The following HDAC4 variants were observed in gnomAD, a reference collection of about 807,000 sequenced individuals.
The protein encoded by HDAC4 is histone deacetylase 4, also known as histone deacetylase A.
Under a neutral mutation model 135.1 loss-of-function variants are expected in HDAC4, and 16 were observed. The ratio of observed to expected loss-of-function variants is 0.12; its 90% CI spans 0.08 to 0.18. The LOEUF is 0.18. Ranked by LOEUF, HDAC4 falls within the 10% of genes least tolerant of loss-of-function variation. HDAC4 has a pLI of 1.00. For synonymous variants in HDAC4, 685 were observed against 653.4 expected (o/e 1.05, Z -0.74); for missense variants, 1,143 against 1,511.8 (o/e 0.76, Z 4.05).
chr2:239,277,215 C>G (rs1489273305), intron 2 of HDAC4, among the ~76,000 whole-genome samples: 1 of 152,246 alleles, frequency 6.6e-6, no homozygotes, highest in Non-Finnish European at 1.5e-5. Context: ...TGGAGGACAA[C>G]CATGCTCCCA....
rs1023518571 is a variant in HDAC4, at chr2:239,400,252, C to G, written c.-220+726G>C. 2 of 151,192 alleles carry G rather than the reference C, an allele frequency of 1.3e-5. No individual in the cohort carries two copies. Among genetic ancestry groups the G allele is most frequent in the Admixed American group, 1.3e-4 (2 of 15,198 alleles). 9.4% of individuals were successfully genotyped at this position (151,192 alleles called of 1,614,324 possible). A position where few individuals can be genotyped will look rare whatever the true frequency, so the allele number is the denominator to read the frequency against. ...GCAGCGGCGACGACAAGCGCGGGGCCGCGGACCCCCGGCAGGGACGTTTTT... is the reference window on the plus strand; with the variant it reads ...GCAGCGGCGACGACAAGCGCGGGGCGGCGGACCCCCGGCAGGGACGTTTTT... On this transcript the variant is annotated intron_variant, in intron 1 of 26. Transcript: ENST00000543185. This position sits in a 1 kb window ranked among gnomAD's most constrained non-coding sequence, Gnocchi z 4.7.
intron 1 of HDAC4, among the ~76,000 whole-genome samples, chr2:239,353,388 G>C (rs918353367): frequency 6.6e-6 from 1 of 152,208 alleles, no homozygotes; most frequent in African/African-American, 2.4e-5. Flanking sequence ...ACAAATACGA[G>C]CAGTGGGATT....
At chr2:239,137,517 C>T (rs2041053607) in intron 9 of HDAC4, among the ~76,000 whole-genome samples, 1 of 152,160 alleles carries the variant, frequency 6.6e-6, no homozygotes, top group African/African-American at 2.4e-5. Flanking sequence ...AGGTGCCCGG[C>T]ACACTGGGCT....
At chr2:239,277,714 T>G (rs2050453731) in intron 2 of HDAC4, among the ~76,000 whole-genome samples, 1 of 152,178 alleles carries the variant, frequency 6.6e-6, no homozygotes. Flanking sequence ...AATGTCTGCT[T>G]TGGAAAGACA....
chr2:239,230,368 C>CAAAAAAAAAAAAAAAAAAAAAAACA (rs56105562), intron 3 of HDAC4, among the ~76,000 whole-genome samples: 1 of 79,394 alleles, frequency 1.3e-5, no homozygotes, highest in Non-Finnish European at 2.3e-5. Flanking sequence ...AGCAAGCAAG[C>CAAAAAAAAAAAAAAAAAAAAAAACA]AAAAAAAAAA....
At chr2:239,150,713 G>A (rs538211508) in intron 7 of HDAC4, among the ~76,000 whole-genome samples, 2 of 144,138 alleles carry the variant, frequency 1.4e-5, no homozygotes, top group South Asian at 2.1e-4. Flanking sequence ...ACAGCAGCAG[G>A]AAGTCTCACC....
At chr2:239,205,613 A>T (rs149971964) in intron 3 of HDAC4, among the ~76,000 whole-genome samples, 20 of 152,212 alleles carry the variant, frequency 1.3e-4, no homozygotes, top group African/African-American at 4.8e-4. Context: ...GTGAGCAAAG[A>T]ACTGGGGGCT....
chr2:239,354,836 T>C (rs996012597), intron 1 of HDAC4, among the ~76,000 whole-genome samples: 1 of 152,186 alleles, frequency 6.6e-6, no homozygotes, highest in Non-Finnish European at 1.5e-5. Flanking sequence ...TTGAAGGGAA[T>C]GTAGATGGCA....
At position 239,308,136 on chromosome 2, in the gene HDAC4, C is replaced by T. The variant is rs550565434; in HGVS notation, c.22+44542G>A. 8.5e-5 allele frequency among the ~76,000 whole-genome samples: 13 copies of T among 152,344 alleles called. No homozygotes were observed. The East Asian group carries it at 2.5e-3, about 29-fold the overall frequency. On this transcript the variant is annotated intron_variant, in intron 2 of 26. Transcript: ENST00000543185. This position sits in a 1 kb window ranked among gnomAD's most constrained non-coding sequence, Gnocchi z 4.2. Reference sequence around the variant, plus strand: ...CCCTTCCTACACCCCATCACTCACCCTCCCTGGGCCCCAGCTTCCTCATCT... The same window carrying T: ...CCCTTCCTACACCCCATCACTCACCTTCCCTGGGCCCCAGCTTCCTCATCT...
In HDAC4 at chr2:239,115,436, C is replaced by A; in HGVS notation, c.1534-126G>T. 4 of 1,199,966 alleles carry A rather than the reference C, an allele frequency of 3.3e-6. No individual in the cohort carries two copies. In the East Asian group the frequency reaches 9.7e-5, roughly 29 times the overall value. 74.3% of individuals were successfully genotyped at this position (1,199,966 alleles called of 1,614,324 possible). A position where few individuals can be genotyped will look rare whatever the true frequency, so the allele number is the denominator to read the frequency against. Reference sequence around the variant, plus strand: ...ATCAGGGACTCAGGGCACCTTATCACCCTGCCACAGGCCAGCAGGCACCTT... The same window carrying A: ...ATCAGGGACTCAGGGCACCTTATCAACCTGCCACAGGCCAGCAGGCACCTT... On this transcript the variant is annotated intron_variant, in intron 12 of 26. Transcript: ENST00000543185. The surrounding 1 kb of genome is among the most constrained non-coding windows in gnomAD (Gnocchi z 6.3).
At position 239,245,682 on chromosome 2, in the gene HDAC4, C is replaced by G. The variant is rs967393220; in HGVS notation, c.23-9018G>C. Among the ~76,000 whole-genome samples, 1 of 152,144 alleles carries G rather than the reference C, an allele frequency of 6.6e-6. No homozygotes were observed. Among genetic ancestry groups the G allele is most frequent in the African/African-American group, 2.4e-5 (1 of 41,424 alleles). On this transcript the variant is annotated intron_variant, in intron 2 of 26. Transcript: ENST00000543185. The surrounding 1 kb of genome is among the most constrained non-coding windows in gnomAD (Gnocchi z 4.4). ...CGGGAGGTGGCTGTGGGCACTCGCT[C>G]TATGCACTGGTCTCTTTCCTTTCAT...
intron 3 of HDAC4, among the ~76,000 whole-genome samples, chr2:239,218,998 G>C (rs79579259): frequency 1.2e-3 from 168 of 136,192 alleles, no homozygotes; most frequent in African/African-American, 4.4e-3. Flanking sequence ...TGGAGAAATA[G>C]GAACACTTTT....
At chr2:239,260,465 A>T (rs1038048908) in intron 2 of HDAC4, among the ~76,000 whole-genome samples, 1 of 152,226 alleles carries the variant, frequency 6.6e-6, no homozygotes. Flanking sequence ...TTTATTGTCC[A>T]ATAAACATGC....
At chr2:239,110,530 T>C (rs1373711981) in intron 14 of HDAC4, among the ~76,000 whole-genome samples, 1 of 152,208 alleles carries the variant, frequency 6.6e-6, no homozygotes, top group Non-Finnish European at 1.5e-5. Context: ...GTTTTCTTTC[T>C]GAGAAGCAGC....
At position 239,085,037 on chromosome 2, in the gene HDAC4, GACAGAC is replaced by G. The variant is rs968741152; in HGVS notation, c.2445-801_2445-796del. 1.6e-4 allele frequency among the ~76,000 whole-genome samples: 18 copies of G among 113,120 alleles called. No homozygotes were observed. In the East Asian group the frequency reaches 3.4e-3, roughly 22 times the overall value. The allele number at this position is 113,120 out of a possible 152,430, so 74.2% of individuals were successfully genotyped here. On this transcript the variant is annotated intron_variant, in intron 19 of 26. Coordinates refer to ENST00000543185, the MANE Select transcript of HDAC4 (RefSeq NM_001378414.1). ...ACATCCACAGTTCCATACTGAGACA[GACAGAC>G]ACACACACACACACACACACACACA...
intron 1 of HDAC4, among the ~76,000 whole-genome samples, chr2:239,370,995 G>A (rs917572302): frequency 4.6e-5 from 7 of 151,256 alleles, no homozygotes; most frequent in African/African-American, 1.5e-4. Flanking sequence ...TGCAGCTGCT[G>A]TCCACACCAC....
intron 12 of HDAC4, among the ~76,000 whole-genome samples, chr2:239,119,002 T>G (rs1202312619): frequency 6.6e-6 from 1 of 152,050 alleles, no homozygotes; most frequent in East Asian, 1.9e-4. Flanking sequence ...GGGTGCCAGG[T>G]GCAGCAGGGG....
intron 2 of HDAC4, among the ~76,000 whole-genome samples, chr2:239,291,317 G>A (rs972256127): frequency 5.3e-5 from 8 of 152,354 alleles, no homozygotes; most frequent in Admixed American, 2.0e-4. Context: ...ACGGGGATGG[G>A]CCTTGCCAGG....
At chr2:239,160,228 C>A (rs1559533004) in intron 6 of HDAC4, among the ~76,000 whole-genome samples, 1 of 152,206 alleles carries the variant, frequency 6.6e-6, no homozygotes, top group African/African-American at 2.4e-5. Flanking sequence ...TAAAAACCAT[C>A]CTTTCAACTT....
Sources: allele counts gnomAD v4.1 joint callset (sites outside exome capture counted in the v4.1 genomes callset), GRCh38; gene constraint gnomAD v4.1.1; non-coding constraint Gnocchi (gnomAD v3.1); transcripts MANE v1.5; gene names NCBI Gene and HGNC (gene_info 2026-07-23, HGNC 2026-07-21).